Variants in ANKRD45 observed in about 807,000 individuals in gnomAD.
The protein encoded by ANKRD45 is ankyrin repeat domain-containing protein 45.
ANKRD45 carries 21 observed loss-of-function variants against 28.1 expected under a neutral mutation model. The ratio of observed to expected loss-of-function variants is 0.75; its 90% CI spans 0.53 to 1.08. The LOEUF is 1.08. ANKRD45 is among the 50% of genes least tolerant of loss of function. The pLI is 0.00. For synonymous variants in ANKRD45, 86 were observed against 103.9 expected (o/e 0.83, Z 1.05); for missense variants, 261 against 308.7 (o/e 0.85, Z 1.16).
At chr1:173,697,896 T>C in the ANKRD45 span, among the ~76,000 whole-genome samples, 15 of 151,582 alleles carry the variant, frequency 9.9e-5, no homozygotes, top group South Asian at 1.7e-3. Context: ...TCAAGACCCA[T>C]CAGTGTGCTG....
At chr1:173,706,174 C>T in the ANKRD45 span, among the ~76,000 whole-genome samples, 4 of 151,370 alleles carry the variant, frequency 2.6e-5, no homozygotes, top group Non-Finnish European at 2.9e-5. Flanking sequence ...TGGTGGCGTG[C>T]GCCTGTAATC....
the ANKRD45 span, among the ~76,000 whole-genome samples, chr1:173,681,096 A>G: frequency 6.6e-6 from 1 of 152,086 alleles, no homozygotes. Flanking sequence ...AAACCTCCAC[A>G]TTCTGCACGT....
the ANKRD45 span, among the ~76,000 whole-genome samples, chr1:173,680,458 G>A: frequency 5.3e-5 from 8 of 151,368 alleles, no homozygotes; most frequent in African/African-American, 9.7e-5. Context: ...CAAACACCGC[G>A]TGCTCTCACT....
chr1:173,669,562 C>G (rs1485365238), intron 1 of ANKRD45: 2 of 454,526 alleles, frequency 4.4e-6, no homozygotes, highest in African/African-American at 4.0e-5. Context: ...GAGGGGGCAA[C>G]GGACACTTCA....
At chr1:173,611,608 C>T (rs1667158301) in intron 5 of ANKRD45, among the ~76,000 whole-genome samples, 1 of 148,386 alleles carries the variant, frequency 6.7e-6, no homozygotes, top group Non-Finnish European at 1.5e-5. Context: ...CACACACACA[C>T]ACACACACAC....
the ANKRD45 span, among the ~76,000 whole-genome samples, chr1:173,699,723 G>C: frequency 2.0e-5 from 3 of 152,124 alleles, no homozygotes; most frequent in African/African-American, 7.2e-5. Flanking sequence ...CATACTGAAT[G>C]GGCAAAAACT....
chr1:173,677,764 A>G, the ANKRD45 span, among the ~76,000 whole-genome samples: 1 of 152,208 alleles, frequency 6.6e-6, no homozygotes, highest in Admixed American at 6.6e-5. Context: ...CGGATGTAAT[A>G]ACCTTAATTT....
At chr1:173,688,429 CCT>C in the ANKRD45 span, among the ~76,000 whole-genome samples, 9 of 115,496 alleles carry the variant, frequency 7.8e-5, no homozygotes, top group South Asian at 3.1e-4. Flanking sequence ...TCTGCCTCTT[CCT>C]CTCTCTCTCT....
the ANKRD45 span, among the ~76,000 whole-genome samples, chr1:173,698,227 T>C: frequency 6.6e-6 from 1 of 152,072 alleles, no homozygotes; most frequent in African/African-American, 2.4e-5. Context: ...TGGGAGACAT[T>C]AACACCCCAC....
chr1:173,622,152 C>T lies in ANKRD45; in HGVS notation c.730+2635G>A, dbSNP rs375450426. On this transcript the variant is annotated intron_variant, in intron 5 of 5. Coordinates refer to ENST00000333279, the MANE Select transcript of ANKRD45 (RefSeq NM_198493.3). ...ACTACAAACCACTGCTCAAGGAAAT[C>T]AGAAAGGACACAAACAAATGGAAAA... 3.3e-5 allele frequency among the ~76,000 whole-genome samples: 5 copies of T among 152,130 alleles called. No individual in the cohort carries two copies. In the East Asian group the frequency reaches 9.7e-4, roughly 29 times the overall value.
At chr1:173,685,894 G>A in the ANKRD45 span, among the ~76,000 whole-genome samples, 1 of 152,192 alleles carries the variant, frequency 6.6e-6, no homozygotes, top group Non-Finnish European at 1.5e-5. Flanking sequence ...TGGTTTAGCT[G>A]ACAGTTAGCG....
At chr1:173,613,645 G>A (rs1373721052) in intron 5 of ANKRD45, among the ~76,000 whole-genome samples, 1 of 150,376 alleles carries the variant, frequency 6.6e-6, no homozygotes, top group Non-Finnish European at 1.5e-5. Context: ...CCGGGAGGGA[G>A]GAGGGGGGTC....
intron 5 of ANKRD45, among the ~76,000 whole-genome samples, chr1:173,618,585 G>GA (rs1667566499): frequency 6.6e-6 from 1 of 151,964 alleles, no homozygotes; most frequent in Admixed American, 6.6e-5. Flanking sequence ...CAAGAATACA[G>GA]AAAAAAAGAA....
chr1:173,687,124 A>G, the ANKRD45 span, among the ~76,000 whole-genome samples: 4 of 152,218 alleles, frequency 2.6e-5, no homozygotes, highest in East Asian at 1.9e-4. Context: ...CAAAATATAT[A>G]CTTTTTAACC....
At chr1:173,667,042 C>G (rs889394590) in intron 1 of ANKRD45, among the ~76,000 whole-genome samples, 2 of 152,266 alleles carry the variant, frequency 1.3e-5, no homozygotes, top group Admixed American at 1.3e-4. Flanking sequence ...CCACCGTGCC[C>G]AGCTGCAATT....
chr1:173,711,464 G>C, the ANKRD45 span, among the ~76,000 whole-genome samples: 1 of 152,206 alleles, frequency 6.6e-6, no homozygotes, highest in African/African-American at 2.4e-5. Context: ...GAGACAAATT[G>C]TTGCATTCTT....
intron 3 of ANKRD45, among the ~76,000 whole-genome samples, chr1:173,630,656 A>G (rs1168622245): frequency 6.8e-6 from 1 of 146,342 alleles, no homozygotes; most frequent in East Asian, 1.9e-4. Flanking sequence ...GAGACCAGCT[A>G]CTAAAAATAC....
chr1:173,712,456 C>T, the ANKRD45 span, among the ~76,000 whole-genome samples: 1 of 152,158 alleles, frequency 6.6e-6, no homozygotes, highest in Non-Finnish European at 1.5e-5. Flanking sequence ...GATCCTACCT[C>T]GAGAGGACTA....
Position 173,610,023 on chromosome 1 carries a change from C to A in ANKRD45, c.*122G>T. 1.0e-6 allele frequency: 1 copy of A among 994,610 alleles called. No homozygotes were observed. Among genetic ancestry groups the A allele is most frequent in the South Asian group, 1.5e-5 (1 of 66,216 alleles). 61.6% of individuals were successfully genotyped at this position (994,610 alleles called of 1,614,324 possible). ...CTGAACAGGTCAAACAAAACAAGGGCGATGTAATGTTGTACTTAAATACTT... is the reference window on the plus strand; with the variant it reads ...CTGAACAGGTCAAACAAAACAAGGGAGATGTAATGTTGTACTTAAATACTT... On this transcript the variant is annotated 3_prime_UTR_variant, in exon 6 of 6. Transcript: ENST00000333279.
Sources: allele counts gnomAD v4.1 joint callset (sites outside exome capture counted in the v4.1 genomes callset), GRCh38; gene constraint gnomAD v4.1.1; transcripts MANE v1.5; gene names NCBI Gene and HGNC (gene_info 2026-07-23, HGNC 2026-07-21).